MYCBPAP: variants seen among roughly 807,000 people sequenced by gnomAD.
MYCBPAP encodes the protein MYCBP-associated protein.
In MYCBPAP, 60 loss-of-function variants were observed where a neutral mutation model predicts 106.1. The observed-to-expected ratio is 0.57, with a 90% CI of 0.46 to 0.70. The LOEUF (loss-of-function observed/expected upper bound fraction) is 0.70, where lower values mean the gene tolerates loss of function less well. Ranked by LOEUF, MYCBPAP falls within the 30% of genes least tolerant of loss-of-function variation. The pLI is 0.00. For synonymous variants in MYCBPAP, 407 were observed against 440.6 expected (o/e 0.92, Z 0.95); for missense variants, 1,064 against 1,169.3 (o/e 0.91, Z 1.31).
chr17:50,527,439 C>A (rs771097885), intron 15 of MYCBPAP, 31 bp downstream of exon 15: 1 of 1,612,376 alleles, frequency 6.2e-7, no homozygotes. Context: ...GCTGCCCCAT[C>A]TCCTTCCCTT....
At chr17:50,530,015 C>G in intron 18 of MYCBPAP, 1 of 370,532 alleles carries the variant, frequency 2.7e-6, no homozygotes, top group Non-Finnish European at 5.5e-6. Context: ...ATGTGGATAG[C>G]TGGGGAGCTG....
At position 50,521,336 on chromosome 17, in the gene MYCBPAP, G is replaced by A. The variant is rs1346524514; in HGVS notation, c.1053G>A (p.Val351=). ...FSQQDIDGLE[V]VGKGWPFSAV... ...CGGAGGATATTGATGGCCTGGAGGT[G>A]GTGGGCAAAGGGTGGCCCTTCTCGG... is the stretch of plus-strand genomic sequence containing the variant. Residue 351 remains valine (V), a synonymous_variant, in exon 9 of 19, where the codon GTG becomes GTA. Coordinates refer to ENST00000323776, the MANE Select transcript of MYCBPAP (RefSeq NM_032133.6). The A allele has an allele frequency of 6.2e-7, 1 of 1,604,224 alleles. No individual in the cohort carries two copies. The highest frequency in any genetic ancestry group is 8.5e-7 in the Non-Finnish European group (1 of 1,174,860).
At position 50,519,045 on chromosome 17, in the gene MYCBPAP, C is replaced by T. The variant is rs762509644; in HGVS notation, c.724C>T (p.Arg242Trp). The T allele has an allele frequency of 1.2e-5, 20 of 1,610,434 alleles. No individual in the cohort carries two copies. Among genetic ancestry groups the T allele is most frequent in the East Asian group, 2.3e-5 (1 of 43,940 alleles). Reference protein sequence around the residue: ...GETYRRIQEERELIDCTLPTR... With the variant: ...GETYRRIQEEWELIDCTLPTR... ...GACCTACAGACGGATCCAGGAGGAGCGGGAGCTCATTGACTGCACACTTCC... is the reference window on the plus strand; with the variant it reads ...GACCTACAGACGGATCCAGGAGGAGTGGGAGCTCATTGACTGCACACTTCC... The change falls in exon 6 of 19, where the codon CGG becomes TGG. Residue 242 changes from arginine (R) to tryptophan (W), a missense_variant. Transcript: ENST00000323776.
chr17:50,528,959 A>G, intron 17 of MYCBPAP, 59 bp from the exon 18 acceptor site: 1 of 1,599,022 alleles, frequency 6.3e-7, no homozygotes, highest in Admixed American at 1.7e-5. Context: ...ACTGTTGAGG[A>G]CATCCTTGGC....
rs200952959 is a variant in MYCBPAP at position 50,519,121 on chromosome 17, A to AG, written c.768+38dup. On this transcript the variant is annotated intron_variant, in intron 6 of 18. Transcript: ENST00000323776. ...CCACCTGTCCTAAGTGCCCGGGGGCAGGGGGGTCCATGGAGGAGGGGGCGG... is the reference window on the plus strand; with the variant it reads ...CCACCTGTCCTAAGTGCCCGGGGGCAGGGGGGGTCCATGGAGGAGGGGGCGG... 6,537 of 609,140 alleles carry AG rather than the reference A, an allele frequency of 0.011. 329 individuals carry two copies. The African/African-American group carries it at 0.14, about 13-fold the overall frequency. 37.7% of individuals were successfully genotyped at this position (609,140 alleles called of 1,614,324 possible).
At chr17:50,508,409 G>C (rs1263849147), upstream of MYCBPAP, 5 of 760,888 alleles carry the variant, frequency 6.6e-6, no homozygotes, top group East Asian at 1.7e-4. Flanking sequence ...GCTCGTCGGC[G>C]CCGCCTGTGG....
chr17:50,522,709 A>AAAAATATATATATAT lies in MYCBPAP; in HGVS notation c.1258-229_1258-228insAAATATATATATATA. The stretch of plus-strand genomic sequence containing the variant: ...AACTCTGTCTCAAAAAAAAAAAAAA[A>AAAAATATATATATAT]ATATATATATATATATTTGTTTTAT... On this transcript the variant is annotated intron_variant, in intron 10 of 18. Coordinates refer to ENST00000323776, the MANE Select transcript of MYCBPAP (RefSeq NM_032133.6). The AAAAATATATATATAT allele has an allele frequency of 2.4e-4, 12 of 50,036 alleles. 1 individual carries two copies. Among genetic ancestry groups the AAAAATATATATATAT allele is most frequent in the African/African-American group, 1.1e-3 (9 of 8,368 alleles). The allele number at this position is 50,036 out of a possible 1,614,324, so 3.1% of individuals were successfully genotyped here. A position where few individuals can be genotyped will look rare whatever the true frequency, so the allele number is the denominator to read the frequency against.
intron 10 of MYCBPAP, chr17:50,522,711 T>A (rs866561303): frequency 0.22 from 9,588 of 43,818 alleles, 1,122 homozygotes; most frequent in Middle Eastern, 0.31. Flanking sequence ...AAAAAAAAAA[T>A]ATATATATAT....
rs1409248879 is a variant in MYCBPAP, at chr17:50,512,219, A to C, written c.76+3469A>C. ...CAGGTGCCCGCCACCACGCCTGGCT[A>C]ATATTTTTGTATTTTTAGTAGAGAC... On this transcript the variant is annotated intron_variant, in intron 1 of 18. Coordinates refer to ENST00000323776, the MANE Select transcript of MYCBPAP (RefSeq NM_032133.6). Among the ~76,000 whole-genome samples, 7 of 151,730 alleles carry C rather than the reference A, an allele frequency of 4.6e-5. No individual in the cohort carries two copies. The East Asian group carries it at 1.4e-3, about 30-fold the overall frequency.
chr17:50,525,128 A>C, intron 13 of MYCBPAP, 105 bp downstream of exon 13: 1 of 1,383,958 alleles, frequency 7.2e-7, no homozygotes, highest in Non-Finnish European at 9.9e-7. Flanking sequence ...AGCCAGCATT[A>C]CTGCCTGAGC....
chr17:50,523,043 T>C lies in MYCBPAP; in HGVS notation c.1362T>C (p.Tyr454=). Residue 454 remains tyrosine, a synonymous_variant, in exon 11 of 19, where the codon TAT becomes TAC. Transcript: ENST00000323776. ...VVNNGTVAIW[Y]DWRRQHQPDT... is the part of the protein sequence containing the mutation. ...ATAATGGCACCGTGGCCATTTGGTA[T>C]GACTGGCGACGGCAGCACCAGCCGG... The C allele has an allele frequency of 6.2e-7, 1 of 1,614,148 alleles. No homozygotes were observed. The highest frequency in any genetic ancestry group is 8.5e-7 in the Non-Finnish European group (1 of 1,180,018).
Position 50,531,467 on chromosome 17 carries a change from A to T in MYCBPAP, c.*39A>T. On this transcript the variant is annotated 3_prime_UTR_variant, in exon 19 of 19. Transcript: ENST00000323776. ...GCAACCTTCTGGAAAACGGGTTAATAAATAAATCAATAAAGAACCTTCAAG... is the reference window on the plus strand; with the variant it reads ...GCAACCTTCTGGAAAACGGGTTAATTAATAAATCAATAAAGAACCTTCAAG... 4.7e-6 allele frequency: 7 copies of T among 1,475,218 alleles called. No individual in the cohort carries two copies. Among genetic ancestry groups the T allele is most frequent in the Middle Eastern group, 1.8e-4 (1 of 5,598 alleles). 91.4% of individuals were successfully genotyped at this position (1,475,218 alleles called of 1,614,324 possible).
rs181729778 is a variant in MYCBPAP at position 50,523,135 on chromosome 17, G to A, written c.1447+7G>A. ...TACTTTGACAACCGGGAAGGTACTCGGGAGAAGCCACCCTATGTGCTAGCT... is the reference window on the plus strand; with the variant it reads ...TACTTTGACAACCGGGAAGGTACTCAGGAGAAGCCACCCTATGTGCTAGCT... On this transcript the variant is annotated splice_region_variant and intron_variant, in intron 11 of 18. Transcript: ENST00000323776. 238 of 1,611,968 alleles carry A rather than the reference G, an allele frequency of 1.5e-4. No homozygotes were observed. In the African/African-American group the frequency reaches 2.7e-3, roughly 18 times the overall value.
chr17:50,526,375 A>G, intron 14 of MYCBPAP, 108 bp downstream of exon 14: 1 of 1,043,676 alleles, frequency 9.6e-7, no homozygotes, highest in East Asian at 2.5e-5. Flanking sequence ...ACAAAACCTG[A>G]GAGCCCAGAG....
At chr17:50,513,276 A>G (rs988319419) in intron 1 of MYCBPAP, among the ~76,000 whole-genome samples, 15 of 150,236 alleles carry the variant, frequency 1.0e-4, no homozygotes, top group Admixed American at 2.0e-4. Flanking sequence ...ATTCCCAGCT[A>G]CTCGGGAGGC....
At position 50,529,185 on chromosome 17, in the gene MYCBPAP, T is replaced by A; in HGVS notation, c.2721T>A (p.Ser907Arg). 1 of 1,611,096 alleles carries A rather than the reference T, an allele frequency of 6.2e-7. No homozygotes were observed. The highest frequency in any genetic ancestry group is 1.7e-5 in the Admixed American group (1 of 59,818). Residue 907 changes from serine to arginine, a missense_variant, in exon 18 of 19, where the codon AGT (serine) becomes AGA (arginine). Transcript: ENST00000323776. ...VMGKYTQSLH[S>R]EVRGLLDTLV... ...GGAAATACACCCAGAGCCTGCACAGTGAGGTGAAGGGAAGCGCCCAGCAGC... is the reference window on the plus strand; with the variant it reads ...GGAAATACACCCAGAGCCTGCACAGAGAGGTGAAGGGAAGCGCCCAGCAGC...
chr17:50,519,096 C>A lies in MYCBPAP; in HGVS notation c.768+7C>A. The A allele has an allele frequency of 6.2e-7, 1 of 1,608,088 alleles. No individual in the cohort carries two copies. Among genetic ancestry groups the A allele is most frequent in the Non-Finnish European group, 8.5e-7 (1 of 1,175,736 alleles). The stretch of plus-strand genomic sequence containing the variant: ...AACCCGGCGTGATAGGAAAGTGAGG[C>A]CACCTGTCCTAAGTGCCCGGGGGCA... On this transcript the variant is annotated splice_region_variant and intron_variant, in intron 6 of 18. Transcript: ENST00000323776.
chr17:50,518,536 T>C lies in MYCBPAP; in HGVS notation c.469-5T>C. 6.4e-7 allele frequency: 1 copy of C among 1,562,382 alleles called. No individual in the cohort carries two copies. The highest frequency in any genetic ancestry group is 8.6e-7 in the Non-Finnish European group (1 of 1,159,070). ...CCCTCCACATACCTATGTTGTACTT[T>C]TCAGCTGGCTGAGCGGATACCTACC... On this transcript the variant is annotated splice_polypyrimidine_tract_variant and splice_region_variant and intron_variant, in intron 4 of 18. Coordinates refer to ENST00000323776, the MANE Select transcript of MYCBPAP (RefSeq NM_032133.6).
upstream of MYCBPAP, chr17:50,508,180 T>G: frequency 9.3e-6 from 2 of 215,114 alleles, no homozygotes; most frequent in Non-Finnish European, 1.8e-5. Flanking sequence ...CAGAGGGAGG[T>G]CCCTCGACAG....
Sources: gnomAD v4.1 joint callset for allele counts (sites outside exome capture counted in the v4.1 genomes callset) on GRCh38, gnomAD v4.1.1 for gene constraint, MANE v1.5 for transcripts, NCBI Gene and HGNC (gene_info 2026-07-23, HGNC 2026-07-21) for gene names.